Variants in NRXN3 observed in about 807,000 individuals in gnomAD.
The protein encoded by NRXN3 is neurexin 3, also known as neurexin III.
A neutral mutation model predicts 137.6 loss-of-function variants in NRXN3; 32 were observed. The ratio of observed to expected loss-of-function variants is 0.23; its 90% CI spans 0.18 to 0.31. The LOEUF (loss-of-function observed/expected upper bound fraction) is 0.31, where lower values mean the gene tolerates loss of function less well. Among genes scored for constraint, NRXN3 ranks in the 10% least tolerant of loss-of-function variants. The pLI is 1.00. For synonymous variants in NRXN3, 798 were observed against 784.5 expected (o/e 1.02, Z -0.29); for missense variants, 1,574 against 2,062.5 (o/e 0.76, Z 4.59).
At chr14:78,210,956 G>A (rs1225669874) in intron 1 of NRXN3, among the ~76,000 whole-genome samples, 1 of 152,126 alleles carries the variant, frequency 6.6e-6, no homozygotes, top group Non-Finnish European at 1.5e-5. Context: ...CACCAGCTGT[G>A]TGGCTTTGGG....
At chr14:78,248,150 C>A (rs900011180) in intron 2 of NRXN3, among the ~76,000 whole-genome samples, 3 of 152,166 alleles carry the variant, frequency 2.0e-5, no homozygotes, top group Admixed American at 6.5e-5. Context: ...GTGCCCAGAC[C>A]AGAAGCGGTT....
chr14:78,172,746 C>CT (rs2058852202), intron 1 of NRXN3, among the ~76,000 whole-genome samples: 1 of 152,078 alleles, frequency 6.6e-6, no homozygotes, highest in Admixed American at 6.5e-5. Flanking sequence ...TGCGAATGCC[C>CT]TTTTCTGGAG....
At chr14:79,777,567 G>A (rs1301428083) in intron 19 of NRXN3, among the ~76,000 whole-genome samples, 1 of 151,878 alleles carries the variant, frequency 6.6e-6, no homozygotes, top group African/African-American at 2.4e-5. Flanking sequence ...TATATCACAA[G>A]GCAAAAATTA....
At chr14:79,034,474 C>T (rs1223378119) in intron 15 of NRXN3, among the ~76,000 whole-genome samples, 2 of 151,932 alleles carry the variant, frequency 1.3e-5, no homozygotes, top group Non-Finnish European at 1.5e-5. Flanking sequence ...TGGGGCAAGT[C>T]GCTTAACTGT....
intron 19 of NRXN3, among the ~76,000 whole-genome samples, chr14:79,770,837 C>G (rs944531732): frequency 3.3e-5 from 5 of 151,896 alleles, no homozygotes; most frequent in East Asian, 1.9e-4. Context: ...AATCCAGGAG[C>G]TGGTTTTTTG....
intron 1 of NRXN3, among the ~76,000 whole-genome samples, chr14:78,193,935 T>A (rs867346330): frequency 2.0e-5 from 3 of 152,156 alleles, no homozygotes; most frequent in Non-Finnish European, 2.9e-5. Context: ...CCACCTGTCC[T>A]GCTAGACATG....
chr14:78,185,509 C>A (rs923442774), intron 1 of NRXN3, among the ~76,000 whole-genome samples: 1 of 152,058 alleles, frequency 6.6e-6, no homozygotes, highest in African/African-American at 2.4e-5. Context: ...TCTGAAGAAC[C>A]TGGAATGGTA....
rs538636789 is a variant in NRXN3 at position 78,626,316 on chromosome 14, T to C, written c.758-18804T>C. ...ATGTCTAAAAAGGCACCTGTGTCAA[T>C]ATAGTTTGTGTCATATTCAACAGGG... On this transcript the variant is annotated intron_variant, in intron 4 of 20. Transcript: ENST00000335750. Among the ~76,000 whole-genome samples the C allele has an allele frequency of 7.9e-5, 12 of 152,292 alleles. No individual in the cohort carries two copies. The South Asian group carries it at 1.4e-3, about 18-fold the overall frequency.
intron 16 of NRXN3, among the ~76,000 whole-genome samples, chr14:79,468,597 G>A (rs2096459851): frequency 1.3e-5 from 2 of 152,192 alleles, no homozygotes; most frequent in Admixed American, 1.3e-4. Context: ...GAGAAGCAGA[G>A]GATACAATTT....
chr14:78,676,620 A>T (rs898612112), intron 6 of NRXN3, among the ~76,000 whole-genome samples: 8 of 152,214 alleles, frequency 5.3e-5, no homozygotes, highest in Admixed American at 4.6e-4. Flanking sequence ...CAAGTTATCC[A>T]GAAGATCTAG....
At chr14:79,505,679 C>T (rs556556841) in intron 16 of NRXN3, among the ~76,000 whole-genome samples, 3 of 152,254 alleles carry the variant, frequency 2.0e-5, no homozygotes, top group Admixed American at 1.3e-4. Context: ...ATGGTCTTTA[C>T]TAATGGGTTG....
chr14:78,328,186 G>A (rs549008227), intron 4 of NRXN3, among the ~76,000 whole-genome samples: 1 of 152,110 alleles, frequency 6.6e-6, no homozygotes, highest in Non-Finnish European at 1.5e-5. Flanking sequence ...TACAGGGAAG[G>A]CTTCTGTGAG....
At position 78,245,157 on chromosome 14, in the gene NRXN3, C is replaced by T. The variant is rs534096934; in HGVS notation, c.709+1355C>T. On this transcript the variant is annotated intron_variant, in intron 2 of 20. Coordinates refer to ENST00000335750, the MANE Select transcript of NRXN3 (RefSeq NM_001330195.2). ...CTTTTAGGATTAAGCCCTGGTTTCT[C>T]TTAGACGGGTTTTATGTTGCCATCC... 3.9e-5 allele frequency among the ~76,000 whole-genome samples: 6 copies of T among 152,280 alleles called. No individual in the cohort carries two copies. In the South Asian group the frequency reaches 1.2e-3, roughly 32 times the overall value.
chr14:79,693,157 T>C (rs901540933), intron 18 of NRXN3, among the ~76,000 whole-genome samples: 1 of 152,036 alleles, frequency 6.6e-6, no homozygotes, highest in African/African-American at 2.4e-5. Context: ...AAACAGTCTC[T>C]AAGAAGATAC....
At chr14:79,459,944 C>A (rs893992840) in intron 15 of NRXN3, among the ~76,000 whole-genome samples, 2 of 152,052 alleles carry the variant, frequency 1.3e-5, no homozygotes, top group Non-Finnish European at 2.9e-5. Flanking sequence ...CACTAATCAT[C>A]TTTTTCCTTA....
At chr14:79,044,684 T>C (rs941815728) in intron 15 of NRXN3, among the ~76,000 whole-genome samples, 2 of 139,778 alleles carry the variant, frequency 1.4e-5, no homozygotes, top group South Asian at 2.5e-4. Context: ...TCTCAGAAAA[T>C]AGACTCAAAA....
At chr14:79,667,288 C>T (rs1405009299) in intron 17 of NRXN3, among the ~76,000 whole-genome samples, 1 of 151,996 alleles carries the variant, frequency 6.6e-6, no homozygotes, top group Non-Finnish European at 1.5e-5. Context: ...GGTTTAGTCT[C>T]ACTACTCACT....
chr14:78,267,244 C>T (rs1490608544), intron 2 of NRXN3, among the ~76,000 whole-genome samples: 2 of 152,096 alleles, frequency 1.3e-5, no homozygotes, highest in African/African-American at 2.4e-5. Context: ...CAATGACTCC[C>T]AATTTATAGA....
intron 19 of NRXN3, among the ~76,000 whole-genome samples, chr14:79,772,117 G>A (rs1483580148): frequency 2.7e-5 from 4 of 150,902 alleles, no homozygotes; most frequent in African/African-American, 4.9e-5. Context: ...CTGCTCAAGG[G>A]AATAAAAGAG....
Sources: allele counts gnomAD v4.1 joint callset (sites outside exome capture counted in the v4.1 genomes callset), GRCh38; gene constraint gnomAD v4.1.1; transcripts MANE v1.5; gene names NCBI Gene and HGNC (gene_info 2026-07-23, HGNC 2026-07-21).